The following ABTB3 variants were observed in gnomAD, a reference collection of about 807,000 sequenced individuals.
ABTB3 encodes the protein ankyrin repeat and BTB domain containing 3.
At chr12:107,478,624 C>T in the ABTB3 span, among the ~76,000 whole-genome samples, 3 of 152,312 alleles carry the variant, frequency 2.0e-5, no homozygotes, top group Non-Finnish European at 4.4e-5. Flanking sequence ...GAGGCAATGT[C>T]TTGCATTCAG....
the ABTB3 span, among the ~76,000 whole-genome samples, chr12:107,349,533 T>C: frequency 6.0e-4 from 91 of 152,340 alleles, no homozygotes; most frequent in African/African-American, 2.0e-3. Flanking sequence ...TACTGTGTAA[T>C]CTCAGCAGGT....
the ABTB3 span, among the ~76,000 whole-genome samples, chr12:107,369,554 C>T: frequency 6.6e-6 from 1 of 151,698 alleles, no homozygotes; most frequent in Non-Finnish European, 1.5e-5. Context: ...CCCACCACCA[C>T]ACCCAGCTAA....
the ABTB3 span, among the ~76,000 whole-genome samples, chr12:107,444,190 C>G: frequency 6.6e-6 from 1 of 152,228 alleles, no homozygotes; most frequent in East Asian, 1.9e-4. Flanking sequence ...CAGAGCATGG[C>G]GATGAGGTGT....
At chr12:107,632,093 C>G in the ABTB3 span, among the ~76,000 whole-genome samples, 261 of 152,312 alleles carry the variant, frequency 1.7e-3, 1 homozygote, top group Middle Eastern at 3.4e-3. Flanking sequence ...AAAGAGAGGT[C>G]AACTGTGAGT....
the ABTB3 span, among the ~76,000 whole-genome samples, chr12:107,506,184 T>C: frequency 6.6e-6 from 1 of 152,210 alleles, no homozygotes; most frequent in African/African-American, 2.4e-5. Flanking sequence ...AAAGTTTTAA[T>C]AGTAAAAATG....
chr12:107,544,147 C>CTGCTT, the ABTB3 span: 1 of 1,612,592 alleles, frequency 6.2e-7, no homozygotes, highest in African/African-American at 1.3e-5. Flanking sequence ...AAGGTAAGAA[C>CTGCTT]TGCCTTGCCT....
the ABTB3 span, among the ~76,000 whole-genome samples, chr12:107,628,036 G>A: frequency 2.6e-5 from 4 of 152,130 alleles, no homozygotes; most frequent in Non-Finnish European, 5.9e-5. Flanking sequence ...TTCTGGGGCC[G>A]GTAGCCCACC....
At chr12:107,637,487 C>T in the ABTB3 span, among the ~76,000 whole-genome samples, 1,078 of 152,236 alleles carry the variant, frequency 7.1e-3, 2 homozygotes, top group Non-Finnish European at 0.011. Context: ...AAAAGGCAGA[C>T]CTGAGAGGCT....
At chr12:107,604,594 G>C in the ABTB3 span, among the ~76,000 whole-genome samples, 19 of 152,196 alleles carry the variant, frequency 1.2e-4, no homozygotes, top group Non-Finnish European at 2.1e-4. Context: ...TAGAATGGCT[G>C]TTATCAAAAA....
At chr12:107,633,680 A>T in the ABTB3 span, among the ~76,000 whole-genome samples, 1 of 152,172 alleles carries the variant, frequency 6.6e-6, no homozygotes, top group Non-Finnish European at 1.5e-5. Flanking sequence ...TGGTCTATGG[A>T]GCACGTTTTG....
chr12:107,504,752 T>C, the ABTB3 span, among the ~76,000 whole-genome samples: 10 of 152,220 alleles, frequency 6.6e-5, no homozygotes, highest in Non-Finnish European at 1.5e-4. Flanking sequence ...GAGGGTATCC[T>C]TGCTATTACC....
the ABTB3 span, chr12:107,635,447 G>T: frequency 6.6e-7 from 1 of 1,507,268 alleles, no homozygotes; most frequent in South Asian, 1.2e-5. Context: ...AGGACGAGGA[G>T]CCAAAGAATG....
the ABTB3 span, among the ~76,000 whole-genome samples, chr12:107,482,975 T>C: frequency 4.6e-5 from 2 of 43,084 alleles, no homozygotes; most frequent in East Asian, 1.0e-3. Context: ...TTTCTTTCTT[T>C]CTTTCTTTCT....
At chr12:107,364,649 T>C in the ABTB3 span, among the ~76,000 whole-genome samples, 1 of 152,128 alleles carries the variant, frequency 6.6e-6, no homozygotes, top group Non-Finnish European at 1.5e-5. Context: ...AATCACTGTT[T>C]GCACTTCATT....
At chr12:107,386,196 C>T in the ABTB3 span, among the ~76,000 whole-genome samples, 1 of 152,232 alleles carries the variant, frequency 6.6e-6, no homozygotes, top group South Asian at 2.1e-4. Context: ...ATTCCTCCTT[C>T]AGGCCTCAAT....
chr12:107,480,836 C>G, the ABTB3 span, among the ~76,000 whole-genome samples: 3 of 152,112 alleles, frequency 2.0e-5, no homozygotes, highest in South Asian at 2.1e-4. Context: ...GGGTCACACC[C>G]AAAGGTGAAG....
At chr12:107,448,319 G>T in the ABTB3 span, among the ~76,000 whole-genome samples, 4 of 152,236 alleles carry the variant, frequency 2.6e-5, no homozygotes, top group Non-Finnish European at 5.9e-5. Context: ...GCTGTGTTGA[G>T]TTGTGTTGAT....
chr12:107,503,284 C>T, the ABTB3 span, among the ~76,000 whole-genome samples: 1 of 152,132 alleles, frequency 6.6e-6, no homozygotes, highest in African/African-American at 2.4e-5. Context: ...CAGAGTATGA[C>T]AGCCCCATAG....
the ABTB3 span, among the ~76,000 whole-genome samples, chr12:107,533,575 A>G: frequency 3.9e-5 from 6 of 152,236 alleles, no homozygotes; most frequent in Admixed American, 3.9e-4. Context: ...GCAAGAGAAT[A>G]TAACAGTTTT....
Sources: gnomAD v4.1 joint callset for allele counts (sites outside exome capture counted in the v4.1 genomes callset) on GRCh38, gnomAD v4.1.1 for gene constraint, MANE v1.5 for transcripts, NCBI Gene and HGNC (gene_info 2026-07-23, HGNC 2026-07-21) for gene names.